CRMP1: variants seen among roughly 807,000 people sequenced by gnomAD.
CRMP1 encodes the protein collapsin response mediator protein 1.
A neutral mutation model predicts 68.3 loss-of-function variants in CRMP1; 19 were observed. That is an observed-to-expected ratio of 0.28 (90% CI 0.19 to 0.41). The LOEUF (loss-of-function observed/expected upper bound fraction) is 0.41, where lower values mean the gene tolerates loss of function less well. Ranked by LOEUF, CRMP1 falls within the 10% of genes least tolerant of loss-of-function variation. The pLI is 1.00. For synonymous variants in CRMP1, 439 were observed against 399.6 expected (o/e 1.10, Z -1.18); for missense variants, 791 against 967.4 (o/e 0.82, Z 2.42).
At position 5,889,539 on chromosome 4, in the gene CRMP1, G is replaced by A; in HGVS notation, c.381+3050C>T. On this transcript the variant is annotated intron_variant, in intron 1 of 13. Coordinates refer to ENST00000324989, the MANE Select transcript of CRMP1 (RefSeq NM_001014809.3). This position sits in a 1 kb window ranked among gnomAD's most constrained non-coding sequence, Gnocchi z 4.5. ...TAACAGCAGAGGGGAAAAGATGAAA[G>A]AAGATGGAGGAAAAGGGGGAGCCCC... 6.5e-7 allele frequency: 1 copy of A among 1,531,128 alleles called. No individual in the cohort carries two copies. Among genetic ancestry groups the A allele is most frequent in the South Asian group, 1.2e-5 (1 of 83,948 alleles). 94.8% of individuals were successfully genotyped at this position (1,531,128 alleles called of 1,614,324 possible).
chr4:5,880,771 T>G (rs1715172798), intron 1 of CRMP1, among the ~76,000 whole-genome samples: 1 of 152,168 alleles, frequency 6.6e-6, no homozygotes, highest in South Asian at 2.1e-4. Flanking sequence ...GTAACTACCT[T>G]CATGTTAAAT....
intron 8 of CRMP1, 101 bp from the exon 9 acceptor site, chr4:5,839,779 G>T: frequency 7.4e-7 from 1 of 1,343,110 alleles, no homozygotes; most frequent in Non-Finnish European, 1.0e-6. Flanking sequence ...AACGGGGCTG[G>T]CTGAAGGCCA....
chr4:5,828,812 A>G, intron 11 of CRMP1, 144 bp from the exon 12 acceptor site: 1 of 1,014,290 alleles, frequency 9.9e-7, no homozygotes, highest in Non-Finnish European at 1.4e-6. Context: ...ATTGACTGTA[A>G]TATTCCACTG....
rs1711725674 is a variant in CRMP1, at chr4:5,841,488, C to T, written c.1033-60G>A. The T allele has an allele frequency of 6.3e-7, 1 of 1,599,924 alleles. No homozygotes were observed. On this transcript the variant is annotated intron_variant, in intron 7 of 13. Coordinates refer to ENST00000324989, the MANE Select transcript of CRMP1 (RefSeq NM_001014809.3). This position sits in a 1 kb window ranked among gnomAD's most constrained non-coding sequence, Gnocchi z 6.9. ...GGCTGGTGTAACAGCTACCACCCAT[C>T]TCCATTTTCCTTAATTGAATGTGAT... is the stretch of plus-strand genomic sequence containing the variant.
intron 13 of CRMP1, chr4:5,824,169 A>C: frequency 3.1e-6 from 1 of 323,636 alleles, no homozygotes; most frequent in Non-Finnish European, 4.4e-6. Context: ...GTTTAATTGC[A>C]TAACTCCAGA....
Position 5,893,065 on chromosome 4 carries a change from G to A in CRMP1, c.-96C>T. Reference sequence around the variant, plus strand: ...GCGCTCCGCGCCTCGGTGCGGGCCTGCGGCGGCCCGGGCGCGACTGCGGCC... The same window carrying A: ...GCGCTCCGCGCCTCGGTGCGGGCCTACGGCGGCCCGGGCGCGACTGCGGCC... On this transcript the variant is annotated 5_prime_UTR_variant, in exon 1 of 14. Coordinates refer to ENST00000324989, the MANE Select transcript of CRMP1 (RefSeq NM_001014809.3). 1.2e-6 allele frequency: 1 copy of A among 857,252 alleles called. No individual in the cohort carries two copies. The highest frequency in any genetic ancestry group is 1.4e-6 in the Non-Finnish European group (1 of 713,030). The allele number at this position is 857,252 out of a possible 1,614,324, so 53.1% of individuals were successfully genotyped here. A position where few individuals can be genotyped will look rare whatever the true frequency, so the allele number is the denominator to read the frequency against.
At chr4:5,856,427 A>ATCACCACCATCATCATCATCACCT in intron 3 of CRMP1, 120 bp from the exon 4 acceptor site, 1 of 910,304 alleles carries the variant, frequency 1.1e-6, no homozygotes, top group South Asian at 1.7e-5. Context: ...CATCATCACC[A>ATCACCACCATCATCATCATCACCT]TAATTATCAC....
At chr4:5,849,113 C>G (rs1299445874) in intron 6 of CRMP1, among the ~76,000 whole-genome samples, 5 of 152,326 alleles carry the variant, frequency 3.3e-5, no homozygotes, top group Admixed American at 1.3e-4. Context: ...ATGGAGGAGA[C>G]TGGCATGGAA....
intron 12 of CRMP1, chr4:5,826,057 T>G (rs770730826): frequency 1.8e-5 from 5 of 280,168 alleles, no homozygotes; most frequent in Non-Finnish European, 3.3e-5. Context: ...CATACTCACA[T>G]ATGTATACAC....
In CRMP1 at chr4:5,870,275, C is replaced by T; in HGVS notation, c.382-3519G>A. ...CACCCTGCCAGCTGGCCCTACATCCCTTACCCGTTTATGTATTCACAGTAT... is the reference window on the plus strand; with the variant it reads ...CACCCTGCCAGCTGGCCCTACATCCTTTACCCGTTTATGTATTCACAGTAT... On this transcript the variant is annotated intron_variant, in intron 1 of 13. Transcript: ENST00000324989. This position sits in a 1 kb window ranked among gnomAD's most constrained non-coding sequence, Gnocchi z 6.0. Among the ~76,000 whole-genome samples, 1 of 152,222 alleles carries T rather than the reference C, an allele frequency of 6.6e-6. No individual in the cohort carries two copies.
In CRMP1 at chr4:5,837,011, A is replaced by G. The variant is rs1029213878; in HGVS notation, c.1311-105T>C. 18 of 1,328,362 alleles carry G rather than the reference A, an allele frequency of 1.4e-5. No individual in the cohort carries two copies. The African/African-American group carries it at 2.5e-4, about 18-fold the overall frequency. 82.3% of individuals were successfully genotyped at this position (1,328,362 alleles called of 1,614,324 possible). A position where few individuals can be genotyped will look rare whatever the true frequency, so the allele number is the denominator to read the frequency against. On this transcript the variant is annotated intron_variant, in intron 9 of 13. Coordinates refer to ENST00000324989, the MANE Select transcript of CRMP1 (RefSeq NM_001014809.3). Reference sequence around the variant, plus strand: ...GCACAGCCAGTGAATGAATGAATAGATAAGGAAGCCAGTGGGTAAGAGAGA... The same window carrying G: ...GCACAGCCAGTGAATGAATGAATAGGTAAGGAAGCCAGTGGGTAAGAGAGA...
Position 5,870,887 on chromosome 4 carries a change from C to T in CRMP1, c.382-4131G>A, listed in dbSNP as rs1161115725. Among the ~76,000 whole-genome samples the T allele has an allele frequency of 6.6e-6, 1 of 152,160 alleles. No homozygotes were observed. The highest frequency in any genetic ancestry group is 1.5e-5 in the Non-Finnish European group (1 of 68,036). On this transcript the variant is annotated intron_variant, in intron 1 of 13. Coordinates refer to ENST00000324989, the MANE Select transcript of CRMP1 (RefSeq NM_001014809.3). This position sits in a 1 kb window ranked among gnomAD's most constrained non-coding sequence, Gnocchi z 6.0. ...AGCTGGCGTGCATGTTTCCCCGGCT[C>T]CAGAACAGGAAACATAAGTCACCAG...
intron 8 of CRMP1, among the ~76,000 whole-genome samples, chr4:5,840,371 C>T (rs1218832176): frequency 1.3e-5 from 2 of 152,214 alleles, no homozygotes; most frequent in Non-Finnish European, 2.9e-5. Context: ...GAGGCTCGGG[C>T]TCCCCAGGAA....
In CRMP1 at chr4:5,889,544, T is replaced by C. The variant is rs1366656528; in HGVS notation, c.381+3045A>G. ...GCAGAGGGGAAAAGATGAAAGAAGA[T>C]GGAGGAAAAGGGGGAGCCCCAGCAA... On this transcript the variant is annotated intron_variant, in intron 1 of 13. Coordinates refer to ENST00000324989, the MANE Select transcript of CRMP1 (RefSeq NM_001014809.3). The surrounding 1 kb of genome is among the most constrained non-coding windows in gnomAD (Gnocchi z 4.5). 3 of 1,532,056 alleles carry C rather than the reference T, an allele frequency of 2.0e-6. No homozygotes were observed. Among genetic ancestry groups the C allele is most frequent in the East Asian group, 2.4e-5 (1 of 40,882 alleles). The allele number at this position is 1,532,056 out of a possible 1,614,324, so 94.9% of individuals were successfully genotyped here. A position where few individuals can be genotyped will look rare whatever the true frequency, so the allele number is the denominator to read the frequency against.
Position 5,888,318 on chromosome 4 carries a change from T to C in CRMP1, c.381+4271A>G. The C allele has an allele frequency of 1.6e-6, 2 of 1,245,336 alleles. No homozygotes were observed. The highest frequency in any genetic ancestry group is 1.0e-6 in the Non-Finnish European group (1 of 989,424). The allele number at this position is 1,245,336 out of a possible 1,614,324, so 77.1% of individuals were successfully genotyped here. A position where few individuals can be genotyped will look rare whatever the true frequency, so the allele number is the denominator to read the frequency against. Reference sequence around the variant, plus strand: ...CCGCTGACCTGCGGGGCTGTCTGACTGGAACCGGCGCTCTCGGCCCCGCTC... The same window carrying C: ...CCGCTGACCTGCGGGGCTGTCTGACCGGAACCGGCGCTCTCGGCCCCGCTC... On this transcript the variant is annotated intron_variant, in intron 1 of 13. Coordinates refer to ENST00000324989, the MANE Select transcript of CRMP1 (RefSeq NM_001014809.3). This position sits in a 1 kb window ranked among gnomAD's most constrained non-coding sequence, Gnocchi z 6.4.
At chr4:5,862,710 G>A (rs1014147872) in intron 2 of CRMP1, among the ~76,000 whole-genome samples, 3 of 151,818 alleles carry the variant, frequency 2.0e-5, no homozygotes, top group African/African-American at 4.8e-5. Flanking sequence ...ACATGGGCAC[G>A]GACCTACACG....
At chr4:5,882,038 G>A (rs10937687) in intron 1 of CRMP1, among the ~76,000 whole-genome samples, 4 of 151,830 alleles carry the variant, frequency 2.6e-5, no homozygotes, top group African/African-American at 9.7e-5. Context: ...AAACCCAATC[G>A]CTGTGCTTCC....
intron 11 of CRMP1, among the ~76,000 whole-genome samples, chr4:5,830,390 C>CTAAG (rs1720280478): frequency 6.6e-6 from 1 of 152,176 alleles, no homozygotes; most frequent in Non-Finnish European, 1.5e-5. Flanking sequence ...TTTACCATTT[C>CTAAG]TAAGTTTTGT....
chr4:5,832,276 C>G (rs1720434160), intron 11 of CRMP1, among the ~76,000 whole-genome samples: 1 of 152,110 alleles, frequency 6.6e-6, no homozygotes, highest in Non-Finnish European at 1.5e-5. Flanking sequence ...TACTAAAAGC[C>G]ACTGAATTGT....
Sources: gnomAD v4.1 joint callset for allele counts (sites outside exome capture counted in the v4.1 genomes callset) on GRCh38, gnomAD v4.1.1 for gene constraint, Gnocchi (gnomAD v3.1) non-coding constraint, MANE v1.5 for transcripts, NCBI Gene and HGNC (gene_info 2026-07-23, HGNC 2026-07-21) for gene names.